UBR2: variants seen among roughly 807,000 people sequenced by gnomAD.
The protein encoded by UBR2 is ubiquitin protein ligase E3 component n-recognin 2.
Under a neutral mutation model 247.9 loss-of-function variants are expected in UBR2, and 92 were observed. The observed-to-expected ratio is 0.37, with a 90% confidence interval of 0.31 to 0.44. UBR2 has a LOEUF of 0.44. UBR2 is among the 20% of genes least tolerant of loss of function. The pLI is 1.00. For missense variants in UBR2, 1,613 were observed against 2,112.6 expected (o/e 0.76, Z 4.64); for synonymous variants, 672 against 693.5 (o/e 0.97, Z 0.49).
chr6:42,579,540 T>G lies in UBR2; in HGVS notation c.338+5547T>G, dbSNP rs564690992. Among the ~76,000 whole-genome samples, 9 of 152,368 alleles carry G rather than the reference T, an allele frequency of 5.9e-5. No individual in the cohort carries two copies. The East Asian group carries it at 1.7e-3, about 29-fold the overall frequency. On this transcript the variant is annotated intron_variant, in intron 2 of 46. Coordinates refer to ENST00000372901, the MANE Select transcript of UBR2 (RefSeq NM_001363705.2). ...TAAAACCATTGGTTATTTCTTTTTT[T>G]GAGACAGAGTCCCATTCTGTCGCTT...
At chr6:42,584,356 A>G (rs532627472) in intron 2 of UBR2, among the ~76,000 whole-genome samples, 1 of 152,204 alleles carries the variant, frequency 6.6e-6, no homozygotes, top group Non-Finnish European at 1.5e-5. Flanking sequence ...CCATTTCTGA[A>G]CAGTAATCTA....
At position 42,691,883 on chromosome 6, in the gene UBR2, T is replaced by A. The variant is rs1799772794; in HGVS notation, c.*710T>A. 1 of 151,862 alleles carries A rather than the reference T, an allele frequency of 6.6e-6. No homozygotes were observed. The highest frequency in any genetic ancestry group is 1.5e-5 in the Non-Finnish European group (1 of 67,988). The allele number at this position is 151,862 out of a possible 1,614,324, so 9.4% of individuals were successfully genotyped here. On this transcript the variant is annotated 3_prime_UTR_variant, in exon 47 of 47. Transcript: ENST00000372901. The stretch of plus-strand genomic sequence containing the variant: ...CTTAGGATGGTCTAAAAAATTAGGA[T>A]ATTCTTTTAGAATTAGGAAGAAAAA...
rs532245070 is a variant in UBR2 at position 42,658,151 on chromosome 6, C to T, written c.2982+18C>T. Reference sequence around the variant, plus strand: ...TATTGAAGGTAAAATTTCCACATTCCTCTGCTTTTTGTGAGAAATATTGAA... The same window carrying T: ...TATTGAAGGTAAAATTTCCACATTCTTCTGCTTTTTGTGAGAAATATTGAA... On this transcript the variant is annotated intron_variant, in intron 27 of 46. Transcript: ENST00000372901. 1.2e-6 allele frequency: 2 copies of T among 1,612,606 alleles called. No individual in the cohort carries two copies. The highest frequency in any genetic ancestry group is 1.7e-6 in the Non-Finnish European group (2 of 1,178,942).
intron 11 of UBR2, among the ~76,000 whole-genome samples, 164 bp downstream of exon 11, chr6:42,617,671 A>G (rs565185164): frequency 2.6e-5 from 4 of 152,190 alleles, no homozygotes; most frequent in Non-Finnish European, 5.9e-5. Context: ...ATAACCTTGA[A>G]TATCAAAGTC....
chr6:42,613,403 C>T (rs932997708), intron 8 of UBR2, among the ~76,000 whole-genome samples: 4 of 152,196 alleles, frequency 2.6e-5, no homozygotes, highest in South Asian at 4.1e-4. Context: ...TAAGAGAACG[C>T]GTTTACTTTA....
In UBR2 at chr6:42,670,718, A is replaced by G; in HGVS notation, c.4086+3A>G. 1 of 1,608,124 alleles carries G rather than the reference A, an allele frequency of 6.2e-7. No individual in the cohort carries two copies. The highest frequency in any genetic ancestry group is 8.5e-7 in the Non-Finnish European group (1 of 1,177,260). On this transcript the variant is annotated splice_donor_region_variant and intron_variant, in intron 36 of 46. Transcript: ENST00000372901. ...TTGGTCCTTTACCTTGCAGACTGGT[A>G]AGTTCTCAGTTTATTCAGTTCATGA...
At chr6:42,671,888 T>TGGGGG (rs1798463531) in intron 36 of UBR2, among the ~76,000 whole-genome samples, 1 of 152,180 alleles carries the variant, frequency 6.6e-6, no homozygotes, top group African/African-American at 2.4e-5. Context: ...AACCCAGATC[T>TGGGGG]TTATCTTAGG....
chr6:42,670,102 TCTG>T lies in UBR2; in HGVS notation c.3893_3895del (p.Ser1298_Glu1299delinsTer). 2.5e-6 allele frequency: 4 copies of T among 1,614,092 alleles called. No homozygotes were observed. The highest frequency in any genetic ancestry group is 3.4e-6 in the Non-Finnish European group (4 of 1,179,954). ...ACATGTTTACTTCAGGATCCCTTAT[TCTG>T]AGAGCATAAAAGAAATGCTAACGAC... On this transcript the variant is annotated stop_gained and inframe_deletion, in exon 35 of 47. Transcript: ENST00000372901. LOFTEE classifies it high-confidence loss of function.
intron 32 of UBR2, chr6:42,664,142 C>G (rs1261167695): frequency 2.0e-5 from 3 of 151,670 alleles, no homozygotes; most frequent in South Asian, 2.1e-4. Flanking sequence ...GAGCAAGACC[C>G]TGTCTCAAAA....
chr6:42,617,599 G>T, intron 11 of UBR2, 92 bp downstream of exon 11: 1 of 1,165,078 alleles, frequency 8.6e-7, no homozygotes, highest in Non-Finnish European at 1.2e-6. Flanking sequence ...TTCCTGAAAA[G>T]AATAGTATTT....
Position 42,632,647 on chromosome 6 carries a change from G to C in UBR2, c.1377G>C (p.Gln459His), listed in dbSNP as rs1795820578. 6.2e-7 allele frequency: 1 copy of C among 1,613,756 alleles called. No individual in the cohort carries two copies. The highest frequency in any genetic ancestry group is 8.5e-7 in the Non-Finnish European group (1 of 1,179,842). Reference sequence around the variant, plus strand: ...ATCGAGATGCCCAGGGCAGATTTCAGTTTGAACGATACACTGCTTTACAAG... The same window carrying C: ...ATCGAGATGCCCAGGGCAGATTTCACTTTGAACGATACACTGCTTTACAAG... ...LRHRDAQGRF[Q>H]FERYTALQAF... Residue 459 changes from glutamine to histidine, a missense_variant, in exon 12 of 47, where the codon CAG becomes CAC. Around this residue, in one of 3 missense-constraint regions of UBR2, gnomAD observed 1,524 missense variants for 1,967.3 expected, o/e 0.77. Transcript: ENST00000372901.
intron 4 of UBR2, among the ~76,000 whole-genome samples, chr6:42,594,656 T>C (rs757164500): frequency 2.0e-5 from 3 of 152,226 alleles, no homozygotes; most frequent in Non-Finnish European, 4.4e-5. Context: ...CAAAGACTTT[T>C]GGGGCCAGAT....
intron 25 of UBR2, 97 bp from the exon 26 acceptor site, chr6:42,655,519 GTTTGA>G (rs1453105694): frequency 6.3e-5 from 41 of 648,242 alleles, no homozygotes; most frequent in Middle Eastern, 8.7e-4. Flanking sequence ...GTATTTCATA[GTTTGA>G]TTTATCTTTT....
At chr6:42,619,375 G>A (rs1794755008) in intron 11 of UBR2, 1 of 113,556 alleles carries the variant, frequency 8.8e-6, no homozygotes, top group South Asian at 3.2e-4. Flanking sequence ...GTTATTTTAT[G>A]TTCTTAGTAA....
intron 7 of UBR2, among the ~76,000 whole-genome samples, chr6:42,607,756 A>AT (rs1761820342): frequency 7.7e-6 from 1 of 129,054 alleles, no homozygotes; most frequent in Admixed American, 8.5e-5. Flanking sequence ...GGTTTCCCCC[A>AT]TTATCCTTTC....
chr6:42,679,443 G>A (rs1390777966), intron 41 of UBR2, among the ~76,000 whole-genome samples: 1 of 152,244 alleles, frequency 6.6e-6, no homozygotes, highest in Non-Finnish European at 1.5e-5. Context: ...CAATAACCCT[G>A]TGCAGTAGAT....
chr6:42,661,709 C>T (rs1355047856), intron 30 of UBR2, among the ~76,000 whole-genome samples: 3 of 152,020 alleles, frequency 2.0e-5, no homozygotes, highest in African/African-American at 7.2e-5. Context: ...TGTGATTATT[C>T]GCTGTATGAG....
intron 22 of UBR2, among the ~76,000 whole-genome samples, chr6:42,648,924 T>C (rs1350237680): frequency 2.0e-5 from 3 of 152,174 alleles, no homozygotes; most frequent in Non-Finnish European, 4.4e-5. Flanking sequence ...AATGTTTCCA[T>C]GTATTTGTGT....
At chr6:42,611,751 C>T (rs771257499) in intron 7 of UBR2, among the ~76,000 whole-genome samples, 21 of 151,666 alleles carry the variant, frequency 1.4e-4, no homozygotes, top group Non-Finnish European at 2.5e-4. Context: ...ACTAAAAATA[C>T]AACAGTTAGC....
Sources: allele counts gnomAD v4.1 joint callset (sites outside exome capture counted in the v4.1 genomes callset), GRCh38; gene constraint gnomAD v4.1.1; regional missense constraint gnomAD v4.1.1; transcripts MANE v1.5; gene names NCBI Gene and HGNC (gene_info 2026-07-23, HGNC 2026-07-21).